The following DLG2 variants were observed in gnomAD, a reference collection of about 807,000 sequenced individuals.
DLG2 encodes the protein discs large MAGUK scaffold protein 2.
Under a neutral mutation model 132.5 loss-of-function variants are expected in DLG2, and 45 were observed. That is an observed-to-expected ratio of 0.34 (90% confidence interval 0.27 to 0.44). The LOEUF is 0.44. DLG2 is among the 20% of genes least tolerant of loss of function. DLG2 has a pLI of 1.00. For synonymous variants in DLG2, 424 were observed against 419.6 expected (o/e 1.01, Z -0.13); for missense variants, 1,045 against 1,196.9 (o/e 0.87, Z 1.87).
intron 2 of DLG2, among the ~76,000 whole-genome samples, chr11:85,603,774 AGGTGT>A (rs2080327900): frequency 6.6e-6 from 1 of 152,002 alleles, no homozygotes; most frequent in Non-Finnish European, 1.5e-5. Flanking sequence ...AAAATTAGCC[AGGTGT>A]GGTGGTGCAC....
At chr11:84,800,893 T>C (rs2075287183) in intron 6 of DLG2, among the ~76,000 whole-genome samples, 1 of 152,176 alleles carries the variant, frequency 6.6e-6, no homozygotes, top group Non-Finnish European at 1.5e-5. Context: ...AATTTACAAA[T>C]AACATGATTT....
chr11:85,398,537 C>A lies in DLG2; in HGVS notation c.41-113172G>T, dbSNP rs1254659699. On this transcript the variant is annotated intron_variant, in intron 3 of 27. Transcript: ENST00000376104. The stretch of plus-strand genomic sequence containing the variant: ...CAAAATTGATAGACCACTAGCAGGA[C>A]TAATAAAGAAGAAAAGAGAAAAGAA... Among the ~76,000 whole-genome samples the A allele has an allele frequency of 2.0e-5, 3 of 151,716 alleles. No homozygotes were observed. The East Asian group carries it at 5.8e-4, about 29-fold the overall frequency.
intron 7 of DLG2, among the ~76,000 whole-genome samples, chr11:84,374,826 C>CA (rs1318514832): frequency 6.6e-6 from 1 of 152,160 alleles, no homozygotes; most frequent in Non-Finnish European, 1.5e-5. Flanking sequence ...AGCTTCTTCT[C>CA]ATGACACTTA....
At chr11:85,465,720 G>C (rs1490122594) in intron 3 of DLG2, among the ~76,000 whole-genome samples, 2 of 152,144 alleles carry the variant, frequency 1.3e-5, no homozygotes, top group Non-Finnish European at 2.9e-5. Flanking sequence ...GGACATTTGG[G>C]TTGGTTCCAA....
intron 11 of DLG2, among the ~76,000 whole-genome samples, chr11:83,991,924 G>A (rs1424095443): frequency 6.6e-6 from 1 of 152,110 alleles, no homozygotes; most frequent in Non-Finnish European, 1.5e-5. Context: ...GGTAGGATTA[G>A]GGTCCATTGA....
chr11:84,568,621 TA>T (rs1565325981), intron 6 of DLG2, among the ~76,000 whole-genome samples: 1 of 152,184 alleles, frequency 6.6e-6, no homozygotes, highest in Non-Finnish European at 1.5e-5. Flanking sequence ...AGATGGCTAG[TA>T]TCTATGCCCA....
chr11:84,002,354 G>A (rs759362160), intron 11 of DLG2, among the ~76,000 whole-genome samples: 3 of 152,192 alleles, frequency 2.0e-5, no homozygotes, highest in Non-Finnish European at 4.4e-5. Flanking sequence ...GTACCCCAGT[G>A]GGGACTCTGT....
intron 5 of DLG2, among the ~76,000 whole-genome samples, chr11:85,151,317 C>T (rs1024778413): frequency 1.3e-5 from 2 of 150,438 alleles, no homozygotes; most frequent in African/African-American, 4.9e-5. Context: ...CATTGGTTGT[C>T]TTTTCACTCT....
intron 7 of DLG2, among the ~76,000 whole-genome samples, chr11:84,394,472 C>CT (rs1456893912): frequency 6.6e-6 from 1 of 151,994 alleles, no homozygotes; most frequent in African/African-American, 2.4e-5. Context: ...TCTCAGCCAC[C>CT]TTACCACTCT....
chr11:84,848,237 T>G (rs2081740714), intron 6 of DLG2, among the ~76,000 whole-genome samples: 2 of 152,102 alleles, frequency 1.3e-5, no homozygotes. Context: ...CTCACGCTTG[T>G]AATCCCAGCA....
At chr11:85,403,818 G>T (rs2088445357) in intron 3 of DLG2, among the ~76,000 whole-genome samples, 1 of 151,922 alleles carries the variant, frequency 6.6e-6, no homozygotes, top group Non-Finnish European at 1.5e-5. Flanking sequence ...GACCAAAAGT[G>T]GTAAGCTGTT....
At chr11:85,380,032 C>A (rs755284083) in intron 3 of DLG2, among the ~76,000 whole-genome samples, 2 of 152,088 alleles carry the variant, frequency 1.3e-5, no homozygotes, top group Non-Finnish European at 2.9e-5. Context: ...AAAAGTACTA[C>A]GTTTGATTTT....
intron 3 of DLG2, among the ~76,000 whole-genome samples, chr11:85,380,948 T>A (rs2085833660): frequency 6.6e-6 from 1 of 152,080 alleles, no homozygotes; most frequent in South Asian, 2.1e-4. Flanking sequence ...TGTAAATGAG[T>A]AGCATCGGCT....
At chr11:84,243,311 T>C (rs904979619) in intron 8 of DLG2, among the ~76,000 whole-genome samples, 3 of 152,282 alleles carry the variant, frequency 2.0e-5, no homozygotes, top group Non-Finnish European at 2.9e-5. Context: ...AATAACCATA[T>C]GTGACTTATA....
At chr11:84,854,365 G>A (rs1456092046) in intron 6 of DLG2, among the ~76,000 whole-genome samples, 1 of 151,672 alleles carries the variant, frequency 6.6e-6, no homozygotes, top group Admixed American at 6.6e-5. Context: ...AGACTGGAAT[G>A]GTATTAGTAT....
At chr11:83,874,617 A>G (rs2064288780) in intron 15 of DLG2, 129 bp from the exon 16 acceptor site, 4 of 545,006 alleles carry the variant, frequency 7.3e-6, no homozygotes, top group Middle Eastern at 5.5e-4. Flanking sequence ...TACATGTGCC[A>G]TGTTGGTGTG....
At chr11:84,929,437 C>T (rs1009074333) in intron 6 of DLG2, among the ~76,000 whole-genome samples, 1 of 151,918 alleles carries the variant, frequency 6.6e-6, no homozygotes, top group Non-Finnish European at 1.5e-5. Flanking sequence ...ATTAAAATAA[C>T]GTATACTTCA....
At chr11:85,040,481 C>T (rs1020087167) in intron 6 of DLG2, among the ~76,000 whole-genome samples, 1 of 151,862 alleles carries the variant, frequency 6.6e-6, no homozygotes, top group African/African-American at 2.4e-5. Flanking sequence ...TGCCAAAATA[C>T]CATTTCAGCC....
intron 8 of DLG2, among the ~76,000 whole-genome samples, chr11:84,200,981 T>G (rs995994134): frequency 2.7e-4 from 41 of 152,192 alleles, no homozygotes; most frequent in Admixed American, 2.7e-3. Context: ...TCTAATACCA[T>G]GTTGAATAGA....
Sources: allele counts gnomAD v4.1 joint callset (sites outside exome capture counted in the v4.1 genomes callset), GRCh38; gene constraint gnomAD v4.1.1; transcripts MANE v1.5; gene names NCBI Gene and HGNC (gene_info 2026-07-23, HGNC 2026-07-21).